The following WIPI1 variants were observed in gnomAD, a reference collection of about 807,000 sequenced individuals.
WIPI1 encodes the protein WD repeat domain, phosphoinositide interacting 1.
WIPI1 carries 45 observed loss-of-function variants against 55.3 expected under a neutral mutation model. The observed-to-expected ratio is 0.81, with a 90% CI of 0.64 to 1.04. The LOEUF (loss-of-function observed/expected upper bound fraction) is 1.04, where lower values mean the gene tolerates loss of function less well. Ranked by LOEUF, WIPI1 falls within the 50% of genes least tolerant of loss-of-function variation. WIPI1 has a pLI of 0.00. For synonymous variants in WIPI1, 195 were observed against 217.6 expected (o/e 0.90, Z 0.92); for missense variants, 445 against 559.0 (o/e 0.80, Z 2.06).
intron 8 of WIPI1, among the ~76,000 whole-genome samples, chr17:68,432,186 C>T (rs1053565069): frequency 6.6e-5 from 10 of 152,228 alleles, no homozygotes; most frequent in African/African-American, 1.2e-4. Context: ...AGAAGGGAGC[C>T]GCCCCCAGTG....
intron 1 of WIPI1, among the ~76,000 whole-genome samples, chr17:68,455,406 C>G (rs921045132): frequency 1.1e-4 from 16 of 149,518 alleles, no homozygotes; most frequent in African/African-American, 3.7e-4. Context: ...AGCACAAGTA[C>G]CAATCACGAA....
chr17:68,422,720 C>CTCTA (rs1332091399), intron 12 of WIPI1: 1 of 107,236 alleles, frequency 9.3e-6, no homozygotes, highest in Non-Finnish European at 1.8e-5. Context: ...CAGAGTGAGA[C>CTCTA]TCTATCATCT....
chr17:68,445,217 A>G (rs1041834910), intron 3 of WIPI1, among the ~76,000 whole-genome samples: 1 of 152,096 alleles, frequency 6.6e-6, no homozygotes, highest in African/African-American at 2.4e-5. Flanking sequence ...ACCGCGTTCA[A>G]CAGGACTTCT....
At chr17:68,450,976 G>A (rs937489290) in intron 2 of WIPI1, 79 bp from the exon 3 acceptor site, 21 of 1,516,414 alleles carry the variant, frequency 1.4e-5, no homozygotes, top group Admixed American at 2.3e-5. Flanking sequence ...CACTGGGCCC[G>A]GCGCAGGCCA....
At chr17:68,426,254 G>GGGGGGGGGGGGGT in intron 11 of WIPI1, 79 bp from the exon 12 acceptor site, 3 of 816,924 alleles carry the variant, frequency 3.7e-6, no homozygotes, top group Non-Finnish European at 3.9e-6. Context: ...GGGAGCGGGG[G>GGGGGGGGGGGGGT]CTCAAATAAA....
rs1272089882 is a variant in WIPI1, at chr17:68,429,070, T to C, written c.966-134A>G. 4.6e-6 allele frequency: 3 copies of C among 648,530 alleles called. No individual in the cohort carries two copies. The East Asian group carries it at 8.3e-5, about 18-fold the overall frequency. 40.2% of individuals were successfully genotyped at this position (648,530 alleles called of 1,614,324 possible). A position where few individuals can be genotyped will look rare whatever the true frequency, so the allele number is the denominator to read the frequency against. ...ACAAACCCTTAGCCCACTGATCTGG[T>C]CTGGGCTTCTGGCTATTCCTTTGCA... On this transcript the variant is annotated intron_variant, in intron 9 of 12. Transcript: ENST00000262139.
At chr17:68,441,613 C>T (rs528070436) in intron 4 of WIPI1, among the ~76,000 whole-genome samples, 13 of 152,240 alleles carry the variant, frequency 8.5e-5, no homozygotes, top group Middle Eastern at 3.4e-3. Flanking sequence ...GTCACTGAAG[C>T]GCAGCTCTGA....
At chr17:68,435,820 C>G in intron 5 of WIPI1, 108 bp from the exon 6 acceptor site, 1 of 970,856 alleles carries the variant, frequency 1.0e-6, no homozygotes, top group Non-Finnish European at 1.6e-6. Context: ...GTCCAGCTCC[C>G]TGTCTCTTCC....
chr17:68,439,238 TCA>T (rs2083969560), intron 4 of WIPI1, among the ~76,000 whole-genome samples: 1 of 152,182 alleles, frequency 6.6e-6, no homozygotes, highest in Non-Finnish European at 1.5e-5. Context: ...CCAAATGTTA[TCA>T]ACTGATAAAT....
intron 8 of WIPI1, among the ~76,000 whole-genome samples, chr17:68,430,644 C>G (rs895873709): frequency 6.6e-6 from 1 of 152,168 alleles, no homozygotes; most frequent in Non-Finnish European, 1.5e-5. Context: ...TGTAGATAAC[C>G]CTGGAGTCAC....
In WIPI1 at chr17:68,433,331, C is replaced by T. The variant is rs184008885; in HGVS notation, c.800+137G>A. 638 of 837,120 alleles carry T rather than the reference C, an allele frequency of 7.6e-4. No individual in the cohort carries two copies. The highest frequency in any genetic ancestry group is 8.5e-4 in the Non-Finnish European group (448 of 529,152). 51.9% of individuals were successfully genotyped at this position (837,120 alleles called of 1,614,324 possible). A position where few individuals can be genotyped will look rare whatever the true frequency, so the allele number is the denominator to read the frequency against. ...GCCTCCAAAGTTTTGCTAACACACA[C>T]TCCATCACTTAGGTGAAGTCCCAAG... On this transcript the variant is annotated intron_variant, in intron 8 of 12. Coordinates refer to ENST00000262139, the MANE Select transcript of WIPI1 (RefSeq NM_017983.7).
At chr17:68,448,446 G>GC (rs747908942) in intron 3 of WIPI1, 3 of 152,168 alleles carry the variant, frequency 2.0e-5, no homozygotes, top group Non-Finnish European at 4.4e-5. Context: ...TCGTGGCTTT[G>GC]CCATGAATTG....
Position 68,435,645 on chromosome 17 carries a change from G to A in WIPI1, c.596C>T (p.Ser199Phe), listed in dbSNP as rs2083748693. The A allele has an allele frequency of 1.9e-6, 3 of 1,614,098 alleles. No homozygotes were observed. The highest frequency in any genetic ancestry group is 2.5e-6 in the Non-Finnish European group (3 of 1,180,038). Reference protein sequence around the residue: ...LAAITFNASGSKLASASEKGT... With the variant: ...LAAITFNASGFKLASASEKGT... ...TTTTTCAGACGCACTTGCTAGTTTG[G>A]AGCCTGAGGCATTGAAGGTGATGGC... is the stretch of plus-strand genomic sequence containing the variant. The change falls in exon 6 of 13, where the codon TCC (serine) becomes TTC (phenylalanine). Residue 199 changes from serine to phenylalanine, a missense_variant. Ser to Phe is a radical substitution (Grantham distance 155, BLOSUM62 -2). Transcript: ENST00000262139.
intron 1 of WIPI1, among the ~76,000 whole-genome samples, chr17:68,453,952 G>GTTCA (rs2084584366): frequency 2.0e-5 from 3 of 152,136 alleles, no homozygotes; most frequent in African/African-American, 7.2e-5. Context: ...GTATTCTAAT[G>GTTCA]AGCAGCCCAA....
At chr17:68,426,503 G>A (rs1443920199) in intron 11 of WIPI1, among the ~76,000 whole-genome samples, 2 of 152,112 alleles carry the variant, frequency 1.3e-5, no homozygotes, top group Non-Finnish European at 1.5e-5. Flanking sequence ...TTCCTGAGTG[G>A]CTAGGACTAC....
intron 4 of WIPI1, among the ~76,000 whole-genome samples, chr17:68,443,205 G>A (rs148651579): frequency 0.019 from 2,955 of 152,166 alleles, 107 homozygotes; most frequent in African/African-American, 0.067. Flanking sequence ...CCGCCTCCTG[G>A]GTTCAAGTAA....
chr17:68,434,072 T>C (rs1031060385), intron 7 of WIPI1, among the ~76,000 whole-genome samples: 3 of 151,918 alleles, frequency 2.0e-5, no homozygotes, highest in African/African-American at 7.3e-5. Flanking sequence ...GCCCGGCCCA[T>C]AGTCTTATTT....
intron 11 of WIPI1, 79 bp from the exon 12 acceptor site, chr17:68,426,254 G>GGGGGGGGGGGGGGGGCCCCCCCCCCCC: frequency 1.2e-6 from 1 of 816,920 alleles, no homozygotes; most frequent in Non-Finnish European, 1.9e-6. Flanking sequence ...GGGAGCGGGG[G>GGGGGGGGGGGGGGGGCCCCCCCCCCCC]CTCAAATAAA....
chr17:68,449,490 C>T (rs1445208469), intron 3 of WIPI1, among the ~76,000 whole-genome samples: 1 of 152,206 alleles, frequency 6.6e-6, no homozygotes, highest in African/African-American at 2.4e-5. Context: ...CCCCAAATCT[C>T]ATGTCGAATT....
Sources: gnomAD v4.1 joint callset for allele counts (sites outside exome capture counted in the v4.1 genomes callset) on GRCh38, gnomAD v4.1.1 for gene constraint, MANE v1.5 for transcripts, NCBI Gene and HGNC (gene_info 2026-07-23, HGNC 2026-07-21) for gene names.